Variants in STEAP3 observed in about 807,000 individuals in gnomAD.
The protein encoded by STEAP3 is metalloreductase STEAP3.
A neutral mutation model predicts 34.9 loss-of-function variants in STEAP3; 35 were observed. That is an observed-to-expected ratio of 1.00 (90% CI 0.76 to 1.33). STEAP3 has a LOEUF of 1.33. STEAP3 is among the 40% of genes most tolerant of loss of function. STEAP3 has a pLI of 0.00. For missense variants in STEAP3, 652 were observed against 667.6 expected, an observed-to-expected ratio of 0.98 and a Z score of 0.26; for synonymous variants, 281 against 301.6, an observed-to-expected ratio of 0.93 and a Z score of 0.71.
At chr2:119,247,264 C>T (rs149149620) in intron 3 of STEAP3, among the ~76,000 whole-genome samples, 2 of 152,264 alleles carry the variant, frequency 1.3e-5, no homozygotes, top group East Asian at 3.9e-4. Flanking sequence ...GAGCTGCAGC[C>T]ACAGCTGCCC....
intron 1 of STEAP3, among the ~76,000 whole-genome samples, chr2:119,225,247 C>T (rs937509128): frequency 6.6e-6 from 1 of 152,224 alleles, no homozygotes; most frequent in Non-Finnish European, 1.5e-5. Flanking sequence ...TGCAGAGGGG[C>T]TGGCAAGGAG....
At chr2:119,262,724 T>A (rs1176207756) in intron 5 of STEAP3, among the ~76,000 whole-genome samples, 1 of 152,140 alleles carries the variant, frequency 6.6e-6, no homozygotes, top group Non-Finnish European at 1.5e-5. Flanking sequence ...TCTGAAATCA[T>A]CCAGCAGCCT....
intron 2 of STEAP3, 96 bp from the exon 3 acceptor site, chr2:119,245,393 T>C (rs1446914368): frequency 6.7e-7 from 1 of 1,498,626 alleles, no homozygotes; most frequent in Non-Finnish European, 8.9e-7. Context: ...GGTGAATGTC[T>C]GACTGCCGTG....
At chr2:119,237,429 G>A (rs1677123784) in intron 2 of STEAP3, among the ~76,000 whole-genome samples, 1 of 152,174 alleles carries the variant, frequency 6.6e-6, no homozygotes, top group Non-Finnish European at 1.5e-5. Context: ...CTAATACAGT[G>A]AGAACTAACA....
In STEAP3 at chr2:119,263,250, G is replaced by C. The variant is rs1320326905; in HGVS notation, c.1409G>C (p.Arg470Thr). ...CCCTGCATCAGCCGCAGACTCGCCA[G>C]GATCCGGAGAGGCTGGGAGAGGGAG... ...LLPCISRRLA[R>T]IRRGWEREST... Residue 470 changes from arginine to threonine, a missense_variant, in exon 6 of 6, where the codon AGG (arginine) becomes ACG (threonine). Coordinates refer to ENST00000393110, the MANE Select transcript of STEAP3 (RefSeq NM_182915.3). 5 of 1,614,144 alleles carry C rather than the reference G, an allele frequency of 3.1e-6. No individual in the cohort carries two copies. The highest frequency in any genetic ancestry group is 4.2e-6 in the Non-Finnish European group (5 of 1,180,032).
At chr2:119,236,502 C>T (rs1171798560) in intron 2 of STEAP3, among the ~76,000 whole-genome samples, 1 of 152,108 alleles carries the variant, frequency 6.6e-6, no homozygotes, top group Non-Finnish European at 1.5e-5. Context: ...TTGCTGAGCC[C>T]GTGTCCTGTT....
At chr2:119,230,266 C>A (rs773763487) in intron 1 of STEAP3, among the ~76,000 whole-genome samples, 2 of 152,202 alleles carry the variant, frequency 1.3e-5, no homozygotes, top group African/African-American at 4.8e-5. Flanking sequence ...CACTGAAAAG[C>A]CATCCCCAGC....
intron 2 of STEAP3, chr2:119,244,423 G>A (rs953894264): frequency 1.3e-5 from 2 of 151,026 alleles, no homozygotes; most frequent in Non-Finnish European, 2.9e-5. Flanking sequence ...TATTTTTTTA[G>A]AGATGGGACC....
chr2:119,245,696 T>G lies in STEAP3; in HGVS notation c.230T>G (p.Leu77Arg), dbSNP rs1191800029. 6.2e-7 allele frequency: 1 copy of G among 1,614,140 alleles called. No individual in the cohort carries two copies. Among genetic ancestry groups the G allele is most frequent in the African/African-American group, 1.3e-5 (1 of 75,074 alleles). ...GSRNPKRTARLFPSAAQVTFQ... is the reference protein window; with the variant it reads ...GSRNPKRTARRFPSAAQVTFQ... Reference sequence around the variant, plus strand: ...CGCAACCCCAAACGCACAGCCAGGCTGTTTCCCTCAGCGGCCCAAGTGACT... The same window carrying G: ...CGCAACCCCAAACGCACAGCCAGGCGGTTTCCCTCAGCGGCCCAAGTGACT... Residue 77 changes from leucine to arginine, a missense_variant, in exon 3 of 6, where the codon CTG becomes CGG. By Grantham distance (102) the Leu-to-Arg change is moderately radical. Transcript: ENST00000393110.
intron 2 of STEAP3, 40 bp downstream of exon 2, chr2:119,231,074 C>G: frequency 6.2e-7 from 1 of 1,613,684 alleles, no homozygotes; most frequent in Non-Finnish European, 8.5e-7. Context: ...GGGCATGGGT[C>G]GTGTGCAAAC....
intron 1 of STEAP3, among the ~76,000 whole-genome samples, chr2:119,229,250 C>G (rs1375926683): frequency 6.6e-6 from 1 of 152,206 alleles, no homozygotes; most frequent in Non-Finnish European, 1.5e-5. Flanking sequence ...TCAAGCAATT[C>G]TCGTGCCTCA....
In STEAP3 at chr2:119,258,517, G is replaced by A. The variant is rs551130548; in HGVS notation, c.1215+3669G>A. On this transcript the variant is annotated intron_variant, in intron 5 of 5. Transcript: ENST00000393110. Reference sequence around the variant, plus strand: ...AAACAGTGTATTGATTCCACAAAGAGGTGACTTGTGCTTGCATTTATCCTT... The same window carrying A: ...AAACAGTGTATTGATTCCACAAAGAAGTGACTTGTGCTTGCATTTATCCTT... Among the ~76,000 whole-genome samples, 23 of 151,954 alleles carry A rather than the reference G, an allele frequency of 1.5e-4. 1 individual carries two copies. The South Asian group carries it at 4.8e-3, about 32-fold the overall frequency.
chr2:119,234,499 C>T (rs1315569751), intron 2 of STEAP3, among the ~76,000 whole-genome samples: 4 of 152,232 alleles, frequency 2.6e-5, no homozygotes, highest in Non-Finnish European at 4.4e-5. Context: ...CCATAGCGCC[C>T]GGTCATCCCC....
intron 2 of STEAP3, among the ~76,000 whole-genome samples, chr2:119,231,600 C>T (rs552025481): frequency 3.6e-4 from 55 of 152,200 alleles, no homozygotes; most frequent in Non-Finnish European, 7.1e-4. Context: ...AGTTGTGTGA[C>T]GGTAAACTCT....
intron 2 of STEAP3, among the ~76,000 whole-genome samples, chr2:119,240,305 G>A (rs920230848): frequency 2.0e-5 from 3 of 152,284 alleles, no homozygotes; most frequent in Non-Finnish European, 4.4e-5. Flanking sequence ...TCTTTGCTCA[G>A]TCAGTCCCCA....
chr2:119,235,075 T>C (rs1677055029), intron 2 of STEAP3, among the ~76,000 whole-genome samples: 1 of 152,168 alleles, frequency 6.6e-6, no homozygotes, highest in African/African-American at 2.4e-5. Flanking sequence ...AGTCAGGGTG[T>C]TAGGGGGCTC....
At chr2:119,247,121 G>A (rs1374023124) in intron 3 of STEAP3, among the ~76,000 whole-genome samples, 1 of 152,128 alleles carries the variant, frequency 6.6e-6, no homozygotes, top group South Asian at 2.1e-4. Flanking sequence ...GGGGGACCTC[G>A]TGGGTCAGAG....
chr2:119,261,090 T>C (rs879799909), intron 5 of STEAP3, among the ~76,000 whole-genome samples: 3 of 152,210 alleles, frequency 2.0e-5, no homozygotes, highest in Admixed American at 2.0e-4. Flanking sequence ...TCCCACACCA[T>C]GTTCTTTCAC....
rs758479623 is a variant in STEAP3 at position 119,247,782 on chromosome 2, G to A, written c.626G>A (p.Trp209Ter). ...GACATGGGATCCCTGGCGTCAGCCTGGGAGGTGGAGGCCATGCCCCTGCGC... is the reference window on the plus strand; with the variant it reads ...GACATGGGATCCCTGGCGTCAGCCTAGGAGGTGGAGGCCATGCCCCTGCGC... ...PVDMGSLASA[W>*]EVEAMPLRLL... is the part of the protein sequence containing the mutation. Residue 209 changes from tryptophan (W) to a stop codon, truncating the protein, a stop_gained, in exon 4 of 6, where the codon TGG becomes TAG. Transcript: ENST00000393110. LOFTEE classifies it high-confidence loss of function. The A allele has an allele frequency of 1.9e-6, 3 of 1,609,062 alleles. No homozygotes were observed. The highest frequency in any genetic ancestry group is 2.5e-6 in the Non-Finnish European group (3 of 1,179,252).
Sources: gnomAD v4.1 joint callset for allele counts (sites outside exome capture counted in the v4.1 genomes callset) on GRCh38, gnomAD v4.1.1 for gene constraint, MANE v1.5 for transcripts, NCBI Gene and HGNC (gene_info 2026-07-23, HGNC 2026-07-21) for gene names.